ZFYVE26: variants seen among roughly 807,000 people sequenced by gnomAD.
ZFYVE26 encodes zinc finger FYVE domain-containing protein 26.
ZFYVE26 carries 181 observed loss-of-function variants against 276.5 expected under a neutral mutation model. The observed-to-expected ratio is 0.65, with a 90% CI of 0.58 to 0.74. ZFYVE26 has a LOEUF of 0.74. Among genes scored for constraint, ZFYVE26 ranks in the 30% least tolerant of loss-of-function variants. ZFYVE26 has a pLI of 0.00. For missense variants in ZFYVE26, 2,821 were observed against 3,097.9 expected (o/e 0.91, Z 2.12); for synonymous variants, 1,129 against 1,203.1 (o/e 0.94, Z 1.27).
intron 13 of ZFYVE26, chr14:67,733,685 TA>T: frequency 8.9e-7 from 1 of 1,124,912 alleles, no homozygotes; most frequent in Non-Finnish European, 1.4e-6. Flanking sequence ...AAAGGGACCA[TA>T]AAGATTTCCA....
chr14:67,800,508 T>C (rs2040054887), intron 10 of ZFYVE26, among the ~76,000 whole-genome samples: 1 of 152,196 alleles, frequency 6.6e-6, no homozygotes, highest in Admixed American at 6.5e-5. Context: ...GCACTGGCTT[T>C]GAGAGAAAAC....
At chr14:67,748,801 T>G (rs901607132) in intron 41 of ZFYVE26, among the ~76,000 whole-genome samples, 162 bp from the exon 42 acceptor site, 10 of 152,214 alleles carry the variant, frequency 6.6e-5, no homozygotes, top group Admixed American at 2.0e-4. Context: ...TCTTTCAATA[T>G]TCTGGACATA....
intron 13 of ZFYVE26, chr14:67,735,364 A>G (rs2038339952): frequency 2.7e-6 from 2 of 736,410 alleles, no homozygotes; most frequent in Non-Finnish European, 5.0e-6. Flanking sequence ...GGCAAGGAAC[A>G]TGTGCCAGTC....
Position 67,777,589 on chromosome 14 carries a change from A to G in ZFYVE26, c.4944T>C (p.Arg1648=). ...ATCCCACATACAGCGCCTGGATTTCACGGTGTCGGACAGCAGTCAGTTGTC... is the reference window on the plus strand; with the variant it reads ...ATCCCACATACAGCGCCTGGATTTCGCGGTGTCGGACAGCAGTCAGTTGTC... ...FYGQLTAVRH[R]EIQALYVGSK... The change falls in exon 25 of 42, where the codon CGT becomes CGC. Residue 1648 remains arginine (R), a synonymous_variant. Transcript: ENST00000347230. 1.9e-6 allele frequency: 3 copies of G among 1,614,026 alleles called. No individual in the cohort carries two copies. Among genetic ancestry groups the G allele is most frequent in the Non-Finnish European group, 2.5e-6 (3 of 1,180,010 alleles).
At chr14:67,797,233 C>T (rs2039972521) in intron 12 of ZFYVE26, 1 of 249,748 alleles carries the variant, frequency 4.0e-6, no homozygotes, top group Non-Finnish European at 7.9e-6. Context: ...CACAAGTATG[C>T]ACAGACATGT....
intron 12 of ZFYVE26, 84 bp downstream of exon 12, chr14:67,797,588 G>A: frequency 2.8e-6 from 4 of 1,435,374 alleles, no homozygotes; most frequent in Non-Finnish European, 3.9e-6. Context: ...TGTTGTTTTT[G>A]ACCATGTGCT....
chr14:67,741,407 CTATTCATGTAGTTCA>C (rs1048787871), intron 13 of ZFYVE26, among the ~76,000 whole-genome samples: 18 of 152,288 alleles, frequency 1.2e-4, no homozygotes, highest in East Asian at 9.6e-4. Flanking sequence ...AAGGGCAATA[CTATTCATGTAGTTCA>C]TATTCATGTA....
chr14:67,756,411 A>T (rs1462758572), intron 35 of ZFYVE26: 6 of 515,434 alleles, frequency 1.2e-5, no homozygotes, highest in Non-Finnish European at 2.1e-5. Flanking sequence ...TCTTGAACCC[A>T]CTCTAATCTA....
At chr14:67,771,910 C>G in intron 28 of ZFYVE26, 137 bp downstream of exon 28, 1 of 1,209,414 alleles carries the variant, frequency 8.3e-7, no homozygotes, top group Non-Finnish European at 1.2e-6. Context: ...AAAAATGAAC[C>G]CAAAGTCTTA....
chr14:67,804,726 A>G (rs2040142119), intron 8 of ZFYVE26, among the ~76,000 whole-genome samples: 1 of 152,258 alleles, frequency 6.6e-6, no homozygotes. Context: ...CCTCATGCAC[A>G]GTTCAGTAAG....
chr14:67,776,535 T>C (rs1447922155), intron 25 of ZFYVE26, among the ~76,000 whole-genome samples: 1 of 152,222 alleles, frequency 6.6e-6, no homozygotes, highest in Non-Finnish European at 1.5e-5. Flanking sequence ...ACGCCTGGCC[T>C]GGACCCTCCA....
Position 67,762,835 on chromosome 14 carries a change from G to A in ZFYVE26, c.6012-16C>T. On this transcript the variant is annotated splice_polypyrimidine_tract_variant and intron_variant, in intron 32 of 41. Coordinates refer to ENST00000347230, the MANE Select transcript of ZFYVE26 (RefSeq NM_015346.4). ...GCTGATGTAGCTACAAGGAGGAAAAGGGCAAGGCCATGAGGCTCCCTAGTG... is the reference window on the plus strand; with the variant it reads ...GCTGATGTAGCTACAAGGAGGAAAAAGGCAAGGCCATGAGGCTCCCTAGTG... The A allele has an allele frequency of 6.2e-7, 1 of 1,613,436 alleles. No homozygotes were observed. The highest frequency in any genetic ancestry group is 1.1e-5 in the South Asian group (1 of 91,080).
At chr14:67,773,606 G>A (rs2039269136) in intron 27 of ZFYVE26, among the ~76,000 whole-genome samples, 1 of 149,070 alleles carries the variant, frequency 6.7e-6, no homozygotes, top group Admixed American at 6.7e-5. Flanking sequence ...TTATGCTCAG[G>A]CTGCCATTTA....
chr14:67,799,466 G>T (rs1042930778), intron 10 of ZFYVE26: 15 of 1,611,398 alleles, frequency 9.3e-6, no homozygotes, highest in Admixed American at 6.7e-5. Flanking sequence ...TGAAGGCGTG[G>T]ATAGCCTGAA....
intron 12 of ZFYVE26, among the ~76,000 whole-genome samples, 166 bp from the exon 13 acceptor site, chr14:67,794,405 C>A (rs1473654828): frequency 6.6e-6 from 1 of 152,120 alleles, no homozygotes; most frequent in African/African-American, 2.4e-5. Flanking sequence ...TCCTATAGAC[C>A]AAAGGCAAAG....
At chr14:67,740,240 A>G (rs1414534263) in intron 13 of ZFYVE26, among the ~76,000 whole-genome samples, 2 of 152,204 alleles carry the variant, frequency 1.3e-5, no homozygotes, top group Non-Finnish European at 2.9e-5. Flanking sequence ...TTATGTTCCA[A>G]TGACAGCAGT....
At position 67,798,767 on chromosome 14, in the gene ZFYVE26, G is replaced by A. The variant is rs7160083; in HGVS notation, c.1640-145C>T. 540,489 of 1,099,510 alleles carry A rather than the reference G, an allele frequency of 0.49. 138,122 individuals carry two copies. The highest frequency in any genetic ancestry group is 0.67 in the East Asian group (25,944 of 38,818). The allele number at this position is 1,099,510 out of a possible 1,614,324, so 68.1% of individuals were successfully genotyped here. A position where few individuals can be genotyped will look rare whatever the true frequency, so the allele number is the denominator to read the frequency against. On this transcript the variant is annotated intron_variant, in intron 10 of 41. Coordinates refer to ENST00000347230, the MANE Select transcript of ZFYVE26 (RefSeq NM_015346.4). ...TAATTATAAGGGAACTGAGGTTACA[G>A]TGAGAAGAATAAGAGACTTAGGATG...
At chr14:67,729,049 T>C (rs1378125333) in intron 14 of ZFYVE26, 2 of 842,390 alleles carry the variant, frequency 2.4e-6, no homozygotes, top group Admixed American at 3.4e-5. Context: ...AAATTCCGCC[T>C]GGCCAGGAGT....
rs572407605 is a variant in ZFYVE26, at chr14:67,799,121, G to A, written c.1640-499C>T. 3.0e-5 allele frequency: 41 copies of A among 1,370,476 alleles called. No individual in the cohort carries two copies. In the East Asian group the frequency reaches 8.9e-4, roughly 30 times the overall value. The allele number at this position is 1,370,476 out of a possible 1,614,324, so 84.9% of individuals were successfully genotyped here. A position where few individuals can be genotyped will look rare whatever the true frequency, so the allele number is the denominator to read the frequency against. ...GCTCACCCAAGACCTAGACTAGGAG[G>A]CGTACTGGCGGCTACTCTTTAAAAA... On this transcript the variant is annotated intron_variant, in intron 10 of 41. Transcript: ENST00000347230.
Sources: allele counts gnomAD v4.1 joint callset (sites outside exome capture counted in the v4.1 genomes callset), GRCh38; gene constraint gnomAD v4.1.1; transcripts MANE v1.5; gene names NCBI Gene and HGNC (gene_info 2026-07-23, HGNC 2026-07-21).